The following IKZF1 variants were observed in gnomAD, a reference collection of about 807,000 sequenced individuals.
The protein encoded by IKZF1 is DNA-binding protein Ikaros.
Under a neutral mutation model 51.7 loss-of-function variants are expected in IKZF1, and 10 were observed. The observed-to-expected ratio is 0.19, with a 90% CI of 0.12 to 0.33. The LOEUF (loss-of-function observed/expected upper bound fraction) is 0.33. Ranked by LOEUF, IKZF1 falls within the 10% of genes least tolerant of loss-of-function variation. The pLI, the probability that IKZF1 is intolerant of heterozygous loss-of-function variation, is 1.00. For missense variants in IKZF1, 484 were observed against 707.5 expected (o/e 0.68, Z 3.58); for synonymous variants, 280 against 282.3 (o/e 0.99, Z 0.08).
chr7:50,372,150 C>T (rs950971094), intron 3 of IKZF1, among the ~76,000 whole-genome samples: 13 of 152,314 alleles, frequency 8.5e-5, no homozygotes, highest in East Asian at 1.9e-4. Context: ...GTATTCTCCT[C>T]CTAGCTGGAT....
rs765927712 is a variant in IKZF1, at chr7:50,347,796, G to A, written c.160+20039G>A. Among the ~76,000 whole-genome samples the A allele has an allele frequency of 1.3e-5, 2 of 152,140 alleles. 1 individual carries two copies. The highest frequency in any genetic ancestry group is 4.1e-4 in the South Asian group (2 of 4,826). ...ACTCAAGGGCAGGAGGATTACCATC[G>A]ATACGGAAAGATTTCTTAGAAAGCT... On this transcript the variant is annotated intron_variant, in intron 3 of 7. Transcript: ENST00000331340.
intron 7 of IKZF1, among the ~76,000 whole-genome samples, chr7:50,397,289 T>C (rs1816962547): frequency 6.6e-6 from 1 of 152,262 alleles, no homozygotes; most frequent in South Asian, 2.1e-4. Context: ...ACATGACATG[T>C]TCCTTTAGCT....
intron 6 of IKZF1, among the ~76,000 whole-genome samples, chr7:50,388,016 A>G (rs549157886): frequency 1.3e-5 from 2 of 152,262 alleles, no homozygotes; most frequent in African/African-American, 4.8e-5. Context: ...TTGAAGGATG[A>G]GAGGAAAGGT....
chr7:50,315,028 A>T (rs1198975673), intron 1 of IKZF1, among the ~76,000 whole-genome samples: 1 of 152,266 alleles, frequency 6.6e-6, no homozygotes, highest in Non-Finnish European at 1.5e-5. Context: ...AGCAGGGCCC[A>T]CACGGCCTGG....
chr7:50,329,951 G>C (rs1796074107), intron 3 of IKZF1, among the ~76,000 whole-genome samples: 1 of 152,242 alleles, frequency 6.6e-6, no homozygotes, highest in Admixed American at 6.5e-5. Context: ...GTGAAGAATA[G>C]CACACGTGCC....
intron 1 of IKZF1, among the ~76,000 whole-genome samples, chr7:50,312,450 C>T (rs1368046777): frequency 2.6e-5 from 4 of 152,334 alleles, no homozygotes; most frequent in African/African-American, 9.6e-5. Context: ...AACTCCAGCC[C>T]TGGGCTTCTT....
chr7:50,357,049 C>T (rs904717918), intron 3 of IKZF1, among the ~76,000 whole-genome samples: 4 of 151,972 alleles, frequency 2.6e-5, no homozygotes, highest in Non-Finnish European at 5.9e-5. Context: ...CTTCGGAGGG[C>T]CATGGGTGTG....
chr7:50,370,531 G>T (rs1054576554), intron 3 of IKZF1, among the ~76,000 whole-genome samples: 1 of 152,160 alleles, frequency 6.6e-6, no homozygotes, highest in African/African-American at 2.4e-5. Flanking sequence ...ACTGTTGGGT[G>T]CCAATAACAT....
At chr7:50,316,659 G>T (rs1272041041) in intron 1 of IKZF1, among the ~76,000 whole-genome samples, 1 of 152,234 alleles carries the variant, frequency 6.6e-6, no homozygotes, top group Non-Finnish European at 1.5e-5. Flanking sequence ...GGGACCAGCC[G>T]AGGGCAGTTT....
At chr7:50,325,639 G>T (rs1184217475) in intron 2 of IKZF1, among the ~76,000 whole-genome samples, 1 of 152,110 alleles carries the variant, frequency 6.6e-6, no homozygotes, top group Non-Finnish European at 1.5e-5. Context: ...GTTGGGCATG[G>T]TGGGGGATAC....
At chr7:50,348,997 C>T (rs185818034) in intron 3 of IKZF1, among the ~76,000 whole-genome samples, 3 of 152,310 alleles carry the variant, frequency 2.0e-5, no homozygotes, top group Admixed American at 1.3e-4. Flanking sequence ...TACTTAGCAT[C>T]GCCAGCCTCC....
intron 3 of IKZF1, chr7:50,368,217 T>C: frequency 1.4e-6 from 1 of 703,306 alleles, no homozygotes; most frequent in Non-Finnish European, 2.6e-6. Context: ...TTTTTGGGTA[T>C]TTATACCATA....
intron 3 of IKZF1, among the ~76,000 whole-genome samples, chr7:50,354,571 G>T (rs1206330284): frequency 6.6e-6 from 1 of 152,202 alleles, no homozygotes. Flanking sequence ...TGTACTGTAC[G>T]TTTTTGTTTT....
At chr7:50,349,620 C>T (rs1363818583) in intron 3 of IKZF1, among the ~76,000 whole-genome samples, 2 of 152,034 alleles carry the variant, frequency 1.3e-5, no homozygotes, top group Non-Finnish European at 2.9e-5. Flanking sequence ...GGGAGGTCTT[C>T]CAGAAGTCTA....
chr7:50,318,501 G>A (rs1180280648), intron 1 of IKZF1: 1 of 226,916 alleles, frequency 4.4e-6, no homozygotes, highest in African/African-American at 2.2e-5. Flanking sequence ...CCATCTGCCA[G>A]GCTGGAGGTG....
intron 3 of IKZF1, among the ~76,000 whole-genome samples, chr7:50,346,302 G>A (rs1286417463): frequency 6.6e-6 from 1 of 152,162 alleles, no homozygotes; most frequent in Non-Finnish European, 1.5e-5. Context: ...CTCGCCTATT[G>A]AGAACCCTCA....
chr7:50,350,519 G>C (rs1481912553), intron 3 of IKZF1, among the ~76,000 whole-genome samples: 2 of 152,194 alleles, frequency 1.3e-5, no homozygotes, highest in Non-Finnish European at 2.9e-5. Flanking sequence ...TTTGCAGCTG[G>C]GTAGAGAATC....
At chr7:50,347,411 A>G (rs763070584) in intron 3 of IKZF1, among the ~76,000 whole-genome samples, 2 of 152,148 alleles carry the variant, frequency 1.3e-5, no homozygotes, top group Admixed American at 6.5e-5. Flanking sequence ...AGAAGGAGAA[A>G]CAGTTTACGG....
At chr7:50,311,276 G>C (rs1790099194) in intron 1 of IKZF1, among the ~76,000 whole-genome samples, 1 of 152,140 alleles carries the variant, frequency 6.6e-6, no homozygotes, top group Admixed American at 6.5e-5. Context: ...ATATTGCAAG[G>C]AATAAGAGGT....
Sources: gnomAD v4.1 joint callset for allele counts (sites outside exome capture counted in the v4.1 genomes callset) on GRCh38, gnomAD v4.1.1 for gene constraint, MANE v1.5 for transcripts, NCBI Gene and HGNC (gene_info 2026-07-23, HGNC 2026-07-21) for gene names.